The following NCEH1 variants were observed in gnomAD, a reference collection of about 807,000 sequenced individuals.
The protein encoded by NCEH1 is 2-acetyl MAGE hydrolase.
In NCEH1, 9 loss-of-function variants were observed where a neutral mutation model predicts 25.4. The ratio of observed to expected loss-of-function variants is 0.35; its 90% CI spans 0.21 to 0.62. NCEH1 has a LOEUF of 0.62. NCEH1 is among the 20% of genes least tolerant of loss of function. The pLI is 0.72. For synonymous variants in NCEH1, 200 were observed against 199.8 expected (o/e 1.00, Z -0.01); for missense variants, 412 against 501.1 (o/e 0.82, Z 1.70).
chr3:172,676,834 G>T (rs943152132), intron 1 of NCEH1, among the ~76,000 whole-genome samples: 2 of 151,894 alleles, frequency 1.3e-5, no homozygotes, highest in African/African-American at 4.8e-5. Context: ...CATACACACA[G>T]GCACATAAAA....
chr3:172,689,829 G>A (rs1046580898), intron 1 of NCEH1, among the ~76,000 whole-genome samples: 1 of 151,532 alleles, frequency 6.6e-6, no homozygotes, highest in African/African-American at 2.4e-5. Flanking sequence ...GTAGCCACTT[G>A]CCAGCTGTAT....
intron 1 of NCEH1, among the ~76,000 whole-genome samples, chr3:172,676,605 G>A (rs1712022565): frequency 1.3e-5 from 2 of 151,964 alleles, no homozygotes; most frequent in African/African-American, 2.4e-5. Context: ...CTCGTCGTTC[G>A]AATCCCCCCT....
At chr3:172,693,909 T>A (rs1297935698) in intron 1 of NCEH1, among the ~76,000 whole-genome samples, 1 of 152,204 alleles carries the variant, frequency 6.6e-6, no homozygotes, top group African/African-American at 2.4e-5. Flanking sequence ...AAATTTTTTA[T>A]TTTTTTGAGA....
chr3:172,672,234 A>G (rs974341006), intron 1 of NCEH1, among the ~76,000 whole-genome samples: 2 of 152,206 alleles, frequency 1.3e-5, no homozygotes, highest in African/African-American at 4.8e-5. Flanking sequence ...CCACTGCATT[A>G]TAATTGCCTA....
chr3:172,655,930 A>G, intron 1 of NCEH1, among the ~76,000 whole-genome samples: 1 of 152,116 alleles, frequency 6.6e-6, no homozygotes, highest in East Asian at 1.9e-4. Context: ...GGGAGTGAGA[A>G]AAAGAGAGAA....
intron 1 of NCEH1, among the ~76,000 whole-genome samples, chr3:172,705,892 G>T (rs1424946260): frequency 1.3e-5 from 2 of 151,828 alleles, no homozygotes; most frequent in Non-Finnish European, 2.9e-5. Flanking sequence ...CAGCTACTCA[G>T]GAGGCTGAGG....
In NCEH1 at chr3:172,636,035, G is replaced by A. The variant is rs149894663; in HGVS notation, c.490C>T (p.Arg164Trp). The A allele has an allele frequency of 4.1e-5, 66 of 1,613,806 alleles. No homozygotes were observed. The African/African-American group carries it at 6.7e-4, about 16-fold the overall frequency. Residue 164 changes from arginine (R) to tryptophan (W), a missense_variant, in exon 4 of 5, where the codon CGG becomes TGG. By Grantham distance (101) the Arg-to-Trp change is moderately radical. Around this residue, in one of 3 missense-constraint regions of NCEH1, gnomAD observed 24 missense variants for 53.8 expected, o/e 0.45. Coordinates refer to ENST00000475381, the MANE Select transcript of NCEH1 (RefSeq NM_020792.6). The stretch of plus-strand genomic sequence containing the variant: ...GGCTTCAGGAAATACTTTGTGGCCC[G>A]TACAACATCATGAATTTGCTCAGGA... ...YFPEQIHDVV[R>W]ATKYFLKPEV...
At chr3:172,656,335 A>G (rs765294294) in intron 1 of NCEH1, among the ~76,000 whole-genome samples, 1 of 152,250 alleles carries the variant, frequency 6.6e-6, no homozygotes, top group Non-Finnish European at 1.5e-5. Context: ...GAAGGAGGAC[A>G]TAGGATCTGG....
At chr3:172,650,519 G>A (rs368216869) in intron 1 of NCEH1, among the ~76,000 whole-genome samples, 1 of 151,914 alleles carries the variant, frequency 6.6e-6, no homozygotes, top group South Asian at 2.1e-4. Context: ...CATGGTGGCG[G>A]GCGCCTGTAG....
chr3:172,644,305 C>T (rs1717013157), intron 3 of NCEH1, among the ~76,000 whole-genome samples: 1 of 151,828 alleles, frequency 6.6e-6, no homozygotes, highest in African/African-American at 2.4e-5. Context: ...GCCTCAGTGA[C>T]TCTGAGCAGC....
rs566328672 is a variant in NCEH1, at chr3:172,653,133, T to G, written c.139-5019A>C. Among the ~76,000 whole-genome samples, 31 of 152,258 alleles carry G rather than the reference T, an allele frequency of 2.0e-4. 1 individual carries two copies. In the South Asian group the frequency reaches 5.6e-3, roughly 27 times the overall value. Reference sequence around the variant, plus strand: ...GTAAGCTAGGGCAGTGCTAGAGGTCTTAAAACTTGCCTCCATAACCATTCC... The same window carrying G: ...GTAAGCTAGGGCAGTGCTAGAGGTCGTAAAACTTGCCTCCATAACCATTCC... On this transcript the variant is annotated intron_variant, in intron 1 of 4. Transcript: ENST00000475381.
At chr3:172,708,521 A>G (rs751781607) in intron 1 of NCEH1, among the ~76,000 whole-genome samples, 1 of 152,082 alleles carries the variant, frequency 6.6e-6, no homozygotes, top group Non-Finnish European at 1.5e-5. Flanking sequence ...AGCCCTGGCT[A>G]ATTTTTTGTA....
intron 1 of NCEH1, among the ~76,000 whole-genome samples, chr3:172,665,368 G>A (rs1718159129): frequency 6.6e-6 from 1 of 152,166 alleles, no homozygotes; most frequent in Admixed American, 6.5e-5. Flanking sequence ...TCTCAGAGGG[G>A]CACCTGGCTG....
At chr3:172,705,630 C>A (rs1414910414) in intron 1 of NCEH1, among the ~76,000 whole-genome samples, 1 of 152,084 alleles carries the variant, frequency 6.6e-6, no homozygotes, top group Non-Finnish European at 1.5e-5. Context: ...TGCCCCTTTT[C>A]TATATATAAA....
chr3:172,675,331 A>AAATAAATTAATAAATT (rs1553835616), intron 1 of NCEH1, among the ~76,000 whole-genome samples: 1 of 150,374 alleles, frequency 6.7e-6, no homozygotes, highest in African/African-American at 2.5e-5. Flanking sequence ...ATAAATAAAT[A>AAATAAATTAATAAATT]AATAAATAAA....
intron 1 of NCEH1, among the ~76,000 whole-genome samples, chr3:172,698,031 C>G (rs1205202331): frequency 7.7e-6 from 1 of 129,772 alleles, no homozygotes; most frequent in African/African-American, 3.0e-5. Flanking sequence ...GGTTGGAGTA[C>G]AGTGGCGTGA....
intron 1 of NCEH1, among the ~76,000 whole-genome samples, chr3:172,661,585 T>G (rs565477826): frequency 1.3e-5 from 2 of 152,240 alleles, no homozygotes; most frequent in Non-Finnish European, 2.9e-5. Context: ...TTCACAATAT[T>G]GATTCTTCCT....
intron 1 of NCEH1, among the ~76,000 whole-genome samples, chr3:172,666,312 T>C (rs564721372): frequency 2.7e-4 from 41 of 152,282 alleles, no homozygotes; most frequent in African/African-American, 9.6e-4. Context: ...TGCATTTGCA[T>C]ATTAAAGGGC....
chr3:172,642,076 C>A (rs1394001655), intron 3 of NCEH1, among the ~76,000 whole-genome samples: 1 of 152,058 alleles, frequency 6.6e-6, no homozygotes, highest in Non-Finnish European at 1.5e-5. Flanking sequence ...CGGTAACTAG[C>A]ACAAAACAGG....
Sources: gnomAD v4.1 joint callset for allele counts (sites outside exome capture counted in the v4.1 genomes callset) on GRCh38, gnomAD v4.1.1 for gene constraint, gnomAD v4.1.1 regional missense constraint, MANE v1.5 for transcripts, NCBI Gene and HGNC (gene_info 2026-07-23, HGNC 2026-07-21) for gene names.